LRBA: variants seen among roughly 807,000 people sequenced by gnomAD.
LRBA encodes the protein LPS responsive beige-like anchor protein.
A neutral mutation model predicts 330.0 loss-of-function variants in LRBA; 176 were observed. The ratio of observed to expected loss-of-function variants is 0.53; its 90% CI spans 0.47 to 0.60. The LOEUF (loss-of-function observed/expected upper bound fraction) is 0.60. LRBA is among the 20% of genes least tolerant of loss of function. The probability of loss-of-function intolerance (pLI) is 0.00; values close to 1 mark genes in which losing one functional copy is unlikely to be tolerated. For missense variants in LRBA, 3,259 were observed against 3,444.8 expected (o/e 0.95, Z 1.35); for synonymous variants, 1,230 against 1,193.0 (o/e 1.03, Z -0.64).
chr4:150,573,657 T>A (rs577566683), intron 40 of LRBA, among the ~76,000 whole-genome samples: 1 of 152,214 alleles, frequency 6.6e-6, no homozygotes, highest in African/African-American at 2.4e-5. Context: ...ATCACGTAAG[T>A]GAAAGGAGGT....
At chr4:150,918,892 C>T (rs1035338499) in intron 5 of LRBA, among the ~76,000 whole-genome samples, 1 of 152,148 alleles carries the variant, frequency 6.6e-6, no homozygotes, top group African/African-American at 2.4e-5. Flanking sequence ...TAAACAAAGA[C>T]CATATGACCT....
At chr4:150,908,949 A>G in intron 9 of LRBA, 92 bp from the exon 10 acceptor site, 1 of 787,432 alleles carries the variant, frequency 1.3e-6, no homozygotes, top group Non-Finnish European at 2.0e-6. Flanking sequence ...GAGACAGACC[A>G]TTGATAATCT....
intron 31 of LRBA, among the ~76,000 whole-genome samples, chr4:150,809,879 CGATACGATACGATA>C (rs1743401016): frequency 7.1e-6 from 1 of 140,004 alleles, no homozygotes; most frequent in African/African-American, 2.7e-5. Context: ...CGATACGATA[CGATACGATACGATA>C]CGATACGATA....
chr4:150,753,986 G>C (rs1733908674), intron 35 of LRBA, among the ~76,000 whole-genome samples: 1 of 151,574 alleles, frequency 6.6e-6, no homozygotes, highest in African/African-American at 2.4e-5. Context: ...AGGATCACCT[G>C]AGCCAGGGAG....
intron 2 of LRBA, among the ~76,000 whole-genome samples, chr4:150,988,949 G>A (rs1423285016): frequency 6.6e-6 from 1 of 151,952 alleles, no homozygotes; most frequent in Non-Finnish European, 1.5e-5. Context: ...TTGGGGGTGG[G>A]GGGGACACGG....
intron 53 of LRBA, among the ~76,000 whole-genome samples, chr4:150,297,401 C>T (rs957662056): frequency 3.9e-5 from 6 of 152,184 alleles, no homozygotes; most frequent in African/African-American, 1.4e-4. Context: ...ACATCCTGGA[C>T]CTTCTGGAGA....
intron 2 of LRBA, among the ~76,000 whole-genome samples, chr4:150,967,517 C>T (rs745449122): frequency 6.6e-6 from 1 of 152,206 alleles, no homozygotes; most frequent in Non-Finnish European, 1.5e-5. Context: ...ATAGATACTG[C>T]TTTGAATTTT....
chr4:150,365,176 T>G (rs1739283342), intron 47 of LRBA, among the ~76,000 whole-genome samples: 1 of 152,040 alleles, frequency 6.6e-6, no homozygotes, highest in Admixed American at 6.6e-5. Flanking sequence ...CCGGCGAATT[T>G]TTTTATGTTT....
chr4:150,811,018 A>T (rs1743645081), intron 31 of LRBA, among the ~76,000 whole-genome samples: 1 of 152,230 alleles, frequency 6.6e-6, no homozygotes, highest in Non-Finnish European at 1.5e-5. Context: ...AGGGAAGTTC[A>T]AAAACATTTT....
intron 44 of LRBA, among the ~76,000 whole-genome samples, chr4:150,462,424 GA>G (rs1397119340): frequency 6.6e-6 from 1 of 151,588 alleles, no homozygotes; most frequent in Non-Finnish European, 1.5e-5. Context: ...TACTAATTTG[GA>G]ATGATTATAA....
intron 40 of LRBA, among the ~76,000 whole-genome samples, chr4:150,497,800 T>G (rs1323491232): frequency 6.6e-6 from 1 of 152,146 alleles, no homozygotes; most frequent in Non-Finnish European, 1.5e-5. Context: ...ACACACACAC[T>G]CTTATGTTTT....
chr4:150,799,035 C>T (rs946442603), intron 33 of LRBA, among the ~76,000 whole-genome samples: 1 of 152,130 alleles, frequency 6.6e-6, no homozygotes. Context: ...GTACCCTATC[C>T]ATTCCCTTTG....
chr4:150,583,720 G>C lies in LRBA; in HGVS notation c.6330+4328C>G. 6.2e-7 allele frequency: 1 copy of C among 1,613,574 alleles called. No homozygotes were observed. Among genetic ancestry groups the C allele is most frequent in the Non-Finnish European group, 8.5e-7 (1 of 1,179,796 alleles). On this transcript the variant is annotated intron_variant, in intron 40 of 56. Coordinates refer to ENST00000651943, the MANE Select transcript of LRBA (RefSeq NM_001364905.1). This position sits in a 1 kb window ranked among gnomAD's most constrained non-coding sequence, Gnocchi z 9.8. ...GAGCTCGGCAGAGAGCGACGCCTGG[G>C]TGCTACAGTTCGGGGAGGCGGAGAA...
At chr4:150,510,106 C>T (rs1761661122) in intron 40 of LRBA, among the ~76,000 whole-genome samples, 1 of 152,076 alleles carries the variant, frequency 6.6e-6, no homozygotes, top group Non-Finnish European at 1.5e-5. Flanking sequence ...CGCCACTGCC[C>T]TCCAGCCTGG....
chr4:150,649,373 T>C (rs1047912092), intron 37 of LRBA, among the ~76,000 whole-genome samples: 1 of 152,218 alleles, frequency 6.6e-6, no homozygotes, highest in Non-Finnish European at 1.5e-5. Flanking sequence ...CCACTCGTTC[T>C]AGATGAGCAA....
At chr4:150,786,886 A>AT (rs771095285) in intron 34 of LRBA, among the ~76,000 whole-genome samples, 2 of 152,294 alleles carry the variant, frequency 1.3e-5, no homozygotes, top group Non-Finnish European at 2.9e-5. Flanking sequence ...CTATTGGGCA[A>AT]TTACATTGGA....
chr4:150,606,630 T>C lies in LRBA; in HGVS notation c.5922-7499A>G, dbSNP rs186017525. ...CCGCCAAGCCTCAACAACCCTGCCA[T>C]GATTAAATACTGCTATTCTCATTTT... is the stretch of plus-strand genomic sequence containing the variant. On this transcript the variant is annotated intron_variant, in intron 37 of 56. Coordinates refer to ENST00000651943, the MANE Select transcript of LRBA (RefSeq NM_001364905.1). Among the ~76,000 whole-genome samples the C allele has an allele frequency of 1.3e-4, 20 of 152,304 alleles. No individual in the cohort carries two copies. In the East Asian group the frequency reaches 2.7e-3, roughly 21 times the overall value.
At chr4:150,303,673 G>A (rs2035634830) in intron 52 of LRBA, among the ~76,000 whole-genome samples, 1 of 152,018 alleles carries the variant, frequency 6.6e-6, no homozygotes, top group Non-Finnish European at 1.5e-5. Flanking sequence ...CCAGGTTCAC[G>A]CCATTCTCCT....
chr4:150,634,097 A>G (rs1777652970), intron 37 of LRBA, among the ~76,000 whole-genome samples: 1 of 152,128 alleles, frequency 6.6e-6, no homozygotes, highest in Non-Finnish European at 1.5e-5. Context: ...CCTGGGTGAC[A>G]AGAGCAAAAC....
Sources: allele counts gnomAD v4.1 joint callset (sites outside exome capture counted in the v4.1 genomes callset), GRCh38; gene constraint gnomAD v4.1.1; non-coding constraint Gnocchi (gnomAD v3.1); transcripts MANE v1.5; gene names NCBI Gene and HGNC (gene_info 2026-07-23, HGNC 2026-07-21).